Variants in SLC9A3 observed in about 807,000 individuals in gnomAD.
SLC9A3 encodes the protein solute carrier family 9 member A3.
A neutral mutation model predicts 86.8 loss-of-function variants in SLC9A3; 37 were observed. That is an observed-to-expected ratio of 0.43 (90% CI 0.33 to 0.56). The LOEUF is 0.56. Among genes scored for constraint, SLC9A3 ranks in the 20% least tolerant of loss-of-function variants. The pLI, the probability that SLC9A3 is intolerant of heterozygous loss-of-function variation, is 0.06. For missense variants in SLC9A3, 1,011 were observed against 1,171.9 expected (o/e 0.86, Z 2.00); for synonymous variants, 581 against 528.3 (o/e 1.10, Z -1.37).
intron 1 of SLC9A3, among the ~76,000 whole-genome samples, chr5:509,079 GC>G (rs1740758430): frequency 6.6e-6 from 1 of 151,252 alleles, no homozygotes; most frequent in Non-Finnish European, 1.5e-5. Flanking sequence ...CTGCATTCCA[GC>G]CTGGGTGATA....
Position 483,391 on chromosome 5 carries a change from G to A in SLC9A3, c.1024C>T (p.Leu342=). ...ATTVRYTMKM[L]ASSAETIIFM... ...ATGATGGTCTCGGCGCTGCTGGCCAGCATCTTCATGGTGTAGCGCACGGTG... is the reference window on the plus strand; with the variant it reads ...ATGATGGTCTCGGCGCTGCTGGCCAACATCTTCATGGTGTAGCGCACGGTG... The change falls in exon 6 of 17, where the codon CTG becomes TTG. Residue 342 remains leucine (L), a synonymous_variant. Transcript: ENST00000264938. The A allele has an allele frequency of 6.3e-7, 1 of 1,576,116 alleles. No homozygotes were observed. The highest frequency in any genetic ancestry group is 1.2e-5 in the South Asian group (1 of 86,052).
intron 1 of SLC9A3, among the ~76,000 whole-genome samples, chr5:502,057 A>C (rs1471661346): frequency 6.6e-6 from 1 of 152,298 alleles, no homozygotes; most frequent in Non-Finnish European, 1.5e-5. Flanking sequence ...GGCGTTTTAC[A>C]CATTGTACAT....
chr5:504,272 C>T (rs1238568592), intron 1 of SLC9A3, among the ~76,000 whole-genome samples: 2 of 152,156 alleles, frequency 1.3e-5, no homozygotes, highest in Non-Finnish European at 2.9e-5. Context: ...CACGTCTCCC[C>T]GTGTTCTTGC....
intron 1 of SLC9A3, among the ~76,000 whole-genome samples, chr5:517,874 C>T (rs1733781070): frequency 6.6e-6 from 1 of 151,862 alleles, no homozygotes; most frequent in African/African-American, 2.4e-5. Flanking sequence ...CTCATCCATC[C>T]ATCCATCCAC....
chr5:523,999 G>A, intron 1 of SLC9A3, 113 bp downstream of exon 1: 3 of 589,736 alleles, frequency 5.1e-6, no homozygotes, highest in Non-Finnish European at 7.9e-6. Flanking sequence ...GACTCTCCCG[G>A]GCGGCCGCCG....
At chr5:511,911 G>A (rs1200937858) in intron 1 of SLC9A3, among the ~76,000 whole-genome samples, 1 of 152,198 alleles carries the variant, frequency 6.6e-6, no homozygotes. Context: ...TCCAGACAGT[G>A]GAATATCATT....
rs1461652247 is a variant in SLC9A3 at position 472,293 on chromosome 5, G to A, written c.*1086C>T. ...GTCAGGGGTCCGGGGTCTAGGACAGGCTCAGGGGTCTCAGCAGGTTCTCCT... is the reference window on the plus strand; with the variant it reads ...GTCAGGGGTCCGGGGTCTAGGACAGACTCAGGGGTCTCAGCAGGTTCTCCT... On this transcript the variant is annotated 3_prime_UTR_variant, in exon 17 of 17. Coordinates refer to ENST00000264938, the MANE Select transcript of SLC9A3 (RefSeq NM_004174.4). 5.8e-6 allele frequency: 2 copies of A among 344,216 alleles called. No homozygotes were observed. Among genetic ancestry groups the A allele is most frequent in the Non-Finnish European group, 1.1e-5 (2 of 175,206 alleles). The allele number at this position is 344,216 out of a possible 1,614,324, so 21.3% of individuals were successfully genotyped here. A position where few individuals can be genotyped will look rare whatever the true frequency, so the allele number is the denominator to read the frequency against.
At position 522,237 on chromosome 5, in the gene SLC9A3, G is replaced by A. The variant is rs545792883; in HGVS notation, c.211+1875C>T. 8.5e-5 allele frequency among the ~76,000 whole-genome samples: 13 copies of A among 152,300 alleles called. No individual in the cohort carries two copies. The South Asian group carries it at 1.9e-3, about 22-fold the overall frequency. On this transcript the variant is annotated intron_variant, in intron 1 of 16. Transcript: ENST00000264938. ...TGCTGCTGGAGCCGGCAGCCTCCCC[G>A]CCCTCAAGGACGTCTTCCCAGAACC...
chr5:480,771 A>G (rs1254245425), intron 9 of SLC9A3: 1 of 152,260 alleles, frequency 6.6e-6, no homozygotes, highest in Non-Finnish European at 1.5e-5. Context: ...CACCCCAAGC[A>G]AACACAGATC....
chr5:492,146 G>A (rs1739781522), intron 1 of SLC9A3, 75 bp from the exon 2 acceptor site: 4 of 383,282 alleles, frequency 1.0e-5, no homozygotes, highest in South Asian at 5.2e-5. Flanking sequence ...CTGTGAGGGA[G>A]GGGAGGGAGG....
Position 477,432 on chromosome 5 carries a change from C to G in SLC9A3, c.1660G>C (p.Gly554Arg), listed in dbSNP as rs1738821821. The change falls in exon 11 of 17, where the codon GGG becomes CGG. Residue 554 changes from glycine (G) to arginine (R), a missense_variant. This residue lies in a region of SLC9A3 where 565 missense variants were observed against 790.0 expected (regional missense o/e 0.72). Coordinates refer to ENST00000264938, the MANE Select transcript of SLC9A3 (RefSeq NM_004174.4). ...ISYVAEGERR[G>R]SLAFIRSPST... ...GGGGAGCGGATGAAGGCCAGGGACC[C>G]GCGGCGCTCTCCCTGTGGTCAGGAA... 6.2e-7 allele frequency: 1 copy of G among 1,611,704 alleles called. No individual in the cohort carries two copies. Among genetic ancestry groups the G allele is most frequent in the African/African-American group, 1.3e-5 (1 of 74,860 alleles).
At chr5:503,108 C>A (rs1046438132) in intron 1 of SLC9A3, among the ~76,000 whole-genome samples, 1 of 152,166 alleles carries the variant, frequency 6.6e-6, no homozygotes, top group African/African-American at 2.4e-5. Context: ...ACCCTAGAAT[C>A]TCTGACATAA....
chr5:481,699 C>T, intron 8 of SLC9A3, 64 bp from the exon 9 acceptor site: 2 of 1,349,956 alleles, frequency 1.5e-6, no homozygotes, highest in Non-Finnish European at 2.1e-6. Context: ...AGGTGCCCCT[C>T]CACTCCTGGC....
rs530566161 is a variant in SLC9A3, at chr5:484,908, A to G, written c.755-211T>C. ...CCCTGGGAGCCTGGCCCCAGGCCCT[A>G]TCCGGCCGTCTGTCTCAGGAAGACC... On this transcript the variant is annotated intron_variant, in intron 4 of 16. Coordinates refer to ENST00000264938, the MANE Select transcript of SLC9A3 (RefSeq NM_004174.4). 5.3e-5 allele frequency among the ~76,000 whole-genome samples: 8 copies of G among 152,294 alleles called. No homozygotes were observed. In the East Asian group the frequency reaches 9.7e-4, roughly 18 times the overall value.
chr5:498,759 G>T (rs779437649), intron 1 of SLC9A3, among the ~76,000 whole-genome samples: 8 of 152,220 alleles, frequency 5.3e-5, no homozygotes, highest in Non-Finnish European at 1.2e-4. Context: ...GACATTCTCT[G>T]CACAACCCCG....
intron 1 of SLC9A3, among the ~76,000 whole-genome samples, chr5:507,166 C>T (rs199955638): frequency 0.016 from 491 of 30,624 alleles, 31 homozygotes; most frequent in Non-Finnish European, 0.025. Flanking sequence ...GCTGCTGCTT[C>T]TTTTTTTTTT....
chr5:514,846 C>T (rs1733677095), intron 1 of SLC9A3, among the ~76,000 whole-genome samples: 1 of 152,226 alleles, frequency 6.6e-6, no homozygotes. Context: ...TTCCCCGATC[C>T]ACCAGAAAGG....
chr5:480,164 T>TA (rs1739072004), intron 9 of SLC9A3, 199 bp from the exon 10 acceptor site: 2 of 561,934 alleles, frequency 3.6e-6, no homozygotes, highest in South Asian at 2.0e-5. Context: ...TGGAGGCCGT[T>TA]AGACGCATAT....
At chr5:475,468 G>T in intron 15 of SLC9A3, 93 bp downstream of exon 15, 1 of 763,304 alleles carries the variant, frequency 1.3e-6, no homozygotes, top group Non-Finnish European at 2.2e-6. Flanking sequence ...CACCCCCCCA[G>T]GTCCCAGTGC....
Sources: allele counts gnomAD v4.1 joint callset (sites outside exome capture counted in the v4.1 genomes callset), GRCh38; gene constraint gnomAD v4.1.1; regional missense constraint gnomAD v4.1.1; transcripts MANE v1.5; gene names NCBI Gene and HGNC (gene_info 2026-07-23, HGNC 2026-07-21).